The following ITFG1 variants were observed in gnomAD, a reference collection of about 807,000 sequenced individuals.
ITFG1 encodes T-cell immunomodulatory protein.
A neutral mutation model predicts 81.8 loss-of-function variants in ITFG1; 34 were observed. That is an observed-to-expected ratio of 0.42 (90% confidence interval 0.32 to 0.55). ITFG1 has a LOEUF of 0.55. ITFG1 is among the 20% of genes least tolerant of loss of function. The pLI is 0.17. For synonymous variants in ITFG1, 285 were observed against 270.6 expected, an observed-to-expected ratio of 1.05 and a Z score of -0.52; for missense variants, 672 against 755.4, an observed-to-expected ratio of 0.89 and a Z score of 1.29.
chr16:47,458,977 A>C, intron 2 of ITFG1, 126 bp downstream of exon 2: 2 of 602,638 alleles, frequency 3.3e-6, no homozygotes, highest in Non-Finnish European at 5.9e-6. Context: ...TGCTACTCAT[A>C]CCTCACAAAC....
chr16:47,441,295 T>C (rs948327409), intron 5 of ITFG1, among the ~76,000 whole-genome samples: 2 of 152,014 alleles, frequency 1.3e-5, no homozygotes, highest in South Asian at 2.1e-4. Context: ...TTCCAATCAA[T>C]AGAAAAAGAG....
chr16:47,457,169 G>A (rs1165490024), intron 2 of ITFG1, among the ~76,000 whole-genome samples: 2 of 152,056 alleles, frequency 1.3e-5, no homozygotes, highest in East Asian at 3.9e-4. Flanking sequence ...AAATTAGCTA[G>A]GCATGGTGGC....
At chr16:47,230,929 T>C (rs1965810660) in intron 13 of ITFG1, among the ~76,000 whole-genome samples, 1 of 152,182 alleles carries the variant, frequency 6.6e-6, no homozygotes, top group Non-Finnish European at 1.5e-5. Context: ...TTTGTATTTT[T>C]AGTAGAGATG....
chr16:47,439,681 G>T (rs947555547), intron 5 of ITFG1, among the ~76,000 whole-genome samples: 4 of 152,232 alleles, frequency 2.6e-5, no homozygotes, highest in African/African-American at 9.6e-5. Context: ...AGCTCCTGAA[G>T]GAAGCACTAA....
At chr16:47,160,683 T>G (rs1398532219) in intron 16 of ITFG1, among the ~76,000 whole-genome samples, 1 of 152,186 alleles carries the variant, frequency 6.6e-6, no homozygotes, top group Admixed American at 6.5e-5. Context: ...GCAGTTTGGT[T>G]CTGAAGCCCA....
intron 14 of ITFG1, among the ~76,000 whole-genome samples, chr16:47,164,546 A>G (rs1964861372): frequency 1.3e-5 from 2 of 152,220 alleles, no homozygotes. Flanking sequence ...AGTCTTCTAG[A>G]TCCCCAAAAA....
At chr16:47,253,559 G>T (rs1437387015) in intron 12 of ITFG1, among the ~76,000 whole-genome samples, 6 of 152,146 alleles carry the variant, frequency 3.9e-5, no homozygotes, top group African/African-American at 1.4e-4. Context: ...ACCACAGATG[G>T]GTTTTGCAGA....
intron 10 of ITFG1, among the ~76,000 whole-genome samples, chr16:47,293,567 C>G (rs1416552603): frequency 6.6e-6 from 1 of 151,974 alleles, no homozygotes; most frequent in Admixed American, 6.6e-5. Flanking sequence ...AGGATGATGT[C>G]TCATTGTGGT....
chr16:47,159,327 T>A (rs976222747), intron 16 of ITFG1, among the ~76,000 whole-genome samples: 11 of 152,152 alleles, frequency 7.2e-5, no homozygotes, highest in Non-Finnish European at 1.5e-4. Context: ...CATAGACATC[T>A]TTTTTACATC....
intron 5 of ITFG1, 87 bp downstream of exon 5, chr16:47,451,309 G>A (rs993801941): frequency 4.3e-6 from 3 of 699,500 alleles, no homozygotes; most frequent in East Asian, 2.6e-5. Context: ...TTAAAAACAA[G>A]GATTCCAATG....
intron 14 of ITFG1, among the ~76,000 whole-genome samples, chr16:47,188,677 G>A (rs529803885): frequency 5.5e-4 from 83 of 150,506 alleles, no homozygotes; most frequent in African/African-American, 1.9e-3. Context: ...GCTAGATGAC[G>A]AGTTAGTGGG....
At chr16:47,314,777 C>T (rs9927084) in intron 8 of ITFG1, among the ~76,000 whole-genome samples, 17,912 of 152,094 alleles carry the variant, frequency 0.12, 2,312 homozygotes, top group African/African-American at 0.32. Flanking sequence ...CACTGATTTA[C>T]TGCTGTTGTT....
At chr16:47,321,317 G>T (rs1212932798) in intron 8 of ITFG1, among the ~76,000 whole-genome samples, 1 of 152,070 alleles carries the variant, frequency 6.6e-6, no homozygotes, top group Non-Finnish European at 1.5e-5. Context: ...AGAAATAATG[G>T]CTTTCTCATT....
In ITFG1 at chr16:47,216,393, G is replaced by T. The variant is rs933902946; in HGVS notation, c.1453+2475C>A. On this transcript the variant is annotated intron_variant, in intron 14 of 17. Coordinates refer to ENST00000320640, the MANE Select transcript of ITFG1 (RefSeq NM_030790.5). ...TTTTTGCATTTTCAGTAGAGACAGC[G>T]TTTCACCATTTTGGCCAGGCTGGTC... Among the ~76,000 whole-genome samples, 6 of 152,184 alleles carry T rather than the reference G, an allele frequency of 3.9e-5. No individual in the cohort carries two copies. In the South Asian group the frequency reaches 1.2e-3, roughly 32 times the overall value.
intron 17 of ITFG1, among the ~76,000 whole-genome samples, chr16:47,156,064 T>C (rs965013937): frequency 2.0e-5 from 3 of 152,172 alleles, no homozygotes; most frequent in African/African-American, 7.2e-5. Flanking sequence ...TACTTGAAAA[T>C]AGGAATAAGT....
intron 12 of ITFG1, among the ~76,000 whole-genome samples, chr16:47,252,192 T>C (rs1221475664): frequency 1.3e-5 from 2 of 152,214 alleles, no homozygotes; most frequent in Non-Finnish European, 2.9e-5. Flanking sequence ...AATTTGTTTA[T>C]TACTGATAAT....
At chr16:47,319,498 T>C (rs1214752860) in intron 8 of ITFG1, among the ~76,000 whole-genome samples, 1 of 152,190 alleles carries the variant, frequency 6.6e-6, no homozygotes, top group Non-Finnish European at 1.5e-5. Flanking sequence ...ATCTCACCAC[T>C]GCTTTTCGTC....
At chr16:47,225,661 G>C (rs1221384752) in intron 13 of ITFG1, among the ~76,000 whole-genome samples, 1 of 152,120 alleles carries the variant, frequency 6.6e-6, no homozygotes, top group Non-Finnish European at 1.5e-5. Context: ...AGTGTTAAAA[G>C]AAAAAGACTG....
intron 10 of ITFG1, among the ~76,000 whole-genome samples, chr16:47,276,248 T>C (rs1313123041): frequency 1.3e-5 from 2 of 151,990 alleles, no homozygotes; most frequent in African/African-American, 4.8e-5. Flanking sequence ...TAAATTTCAA[T>C]AATAGTCATT....
Sources: gnomAD v4.1 joint callset for allele counts (sites outside exome capture counted in the v4.1 genomes callset) on GRCh38, gnomAD v4.1.1 for gene constraint, MANE v1.5 for transcripts, NCBI Gene and HGNC (gene_info 2026-07-23, HGNC 2026-07-21) for gene names.